The following INPP5A variants were observed in gnomAD, a reference collection of about 807,000 sequenced individuals.
INPP5A encodes inositol polyphosphate-5-phosphatase A.
A neutral mutation model predicts 65.2 loss-of-function variants in INPP5A; 14 were observed. The observed-to-expected ratio is 0.21, with a 90% CI of 0.14 to 0.34. The LOEUF is 0.34. INPP5A is among the 10% of genes least tolerant of loss of function. INPP5A has a pLI of 1.00. For synonymous variants in INPP5A, 207 were observed against 208.3 expected (o/e 0.99, Z 0.05); for missense variants, 431 against 545.6 (o/e 0.79, Z 2.09).
rs545186004 is a variant in INPP5A at position 132,712,434 on chromosome 10, C to T, written c.647+1978C>T. Among the ~76,000 whole-genome samples the T allele has an allele frequency of 2.3e-4, 33 of 144,136 alleles. No individual in the cohort carries two copies. The East Asian group carries it at 3.6e-3, about 16-fold the overall frequency. The allele number at this position is 144,136 out of a possible 152,430, so 94.6% of individuals were successfully genotyped here. A position where few individuals can be genotyped will look rare whatever the true frequency, so the allele number is the denominator to read the frequency against. On this transcript the variant is annotated intron_variant, in intron 8 of 15. Transcript: ENST00000368594. ...GAGTGCATACATATGTGTGTGCACGCGTGTGTGGGTGTGTGTGGGTGCATG... is the reference window on the plus strand; with the variant it reads ...GAGTGCATACATATGTGTGTGCACGTGTGTGTGGGTGTGTGTGGGTGCATG...
chr10:132,669,331 G>A (rs1460532399), intron 4 of INPP5A, among the ~76,000 whole-genome samples: 9 of 152,204 alleles, frequency 5.9e-5, no homozygotes. Flanking sequence ...GCCAGGTGTT[G>A]CCGGGCCAGG....
chr10:132,588,966 G>A (rs1355277320), intron 1 of INPP5A, among the ~76,000 whole-genome samples: 2 of 151,820 alleles, frequency 1.3e-5, no homozygotes, highest in Non-Finnish European at 2.9e-5. Context: ...TTGGAGTGTG[G>A]GTTGTGGTCC....
chr10:132,780,479 C>G (rs1847141057), intron 13 of INPP5A, among the ~76,000 whole-genome samples: 1 of 152,270 alleles, frequency 6.6e-6, no homozygotes, highest in African/African-American at 2.4e-5. Context: ...GGCGCACACA[C>G]TCCTGTGAAC....
rs938960448 is a variant in INPP5A at position 132,705,643 on chromosome 10, A to G, written c.475-2670A>G. On this transcript the variant is annotated intron_variant, in intron 6 of 15. Coordinates refer to ENST00000368594, the MANE Select transcript of INPP5A (RefSeq NM_005539.5). The surrounding 1 kb of genome is among the most constrained non-coding windows in gnomAD (Gnocchi z 4.9). ...AAAGCTGCTCTGAAAAATAAAGCCT[A>G]TTACTTCTTTAAAAGTCTGCTTACC... is the stretch of plus-strand genomic sequence containing the variant. Among the ~76,000 whole-genome samples, 1 of 152,196 alleles carries G rather than the reference A, an allele frequency of 6.6e-6. No individual in the cohort carries two copies. Among genetic ancestry groups the G allele is most frequent in the African/African-American group, 2.4e-5 (1 of 41,440 alleles).
chr10:132,589,020 AGT>A (rs1471715259), intron 1 of INPP5A, among the ~76,000 whole-genome samples: 1 of 149,470 alleles, frequency 6.7e-6, no homozygotes, highest in African/African-American at 2.5e-5. Context: ...TGTTTCTTGG[AGT>A]GTGGTGTGTG....
At chr10:132,734,799 T>C (rs1190410250) in intron 9 of INPP5A, among the ~76,000 whole-genome samples, 1 of 152,228 alleles carries the variant, frequency 6.6e-6, no homozygotes, top group African/African-American at 2.4e-5. Flanking sequence ...TCTGCCTTCC[T>C]AGAAGCATCT....
intron 9 of INPP5A, among the ~76,000 whole-genome samples, chr10:132,739,047 C>T (rs553705622): frequency 6.6e-6 from 1 of 152,272 alleles, no homozygotes; most frequent in South Asian, 2.1e-4. Context: ...TAAGGGAGGC[C>T]GGCGAAGTGT....
chr10:132,598,188 G>A (rs1042346668), intron 1 of INPP5A, among the ~76,000 whole-genome samples: 1 of 152,144 alleles, frequency 6.6e-6, no homozygotes, highest in Non-Finnish European at 1.5e-5. Flanking sequence ...TGTGTGGCTC[G>A]GCTGCTTGAG....
At position 132,537,826 on chromosome 10, in the gene INPP5A, T is replaced by G; in HGVS notation, c.-271T>G. On this transcript the variant is annotated 5_prime_UTR_variant, in exon 1 of 16. Transcript: ENST00000368594. Reference sequence around the variant, plus strand: ...TGAGTCGGCGGCGGCTGCGGGAACTTTCCCAGCGGATCTAATGGCTGCGCG... The same window carrying G: ...TGAGTCGGCGGCGGCTGCGGGAACTGTCCCAGCGGATCTAATGGCTGCGCG... The G allele has an allele frequency of 2.4e-5, 8 of 329,990 alleles. No homozygotes were observed. Among genetic ancestry groups the G allele is most frequent in the East Asian group, 4.5e-5 (1 of 22,420 alleles). 20.4% of individuals were successfully genotyped at this position (329,990 alleles called of 1,614,324 possible). A position where few individuals can be genotyped will look rare whatever the true frequency, so the allele number is the denominator to read the frequency against.
intron 4 of INPP5A, among the ~76,000 whole-genome samples, chr10:132,670,951 C>T (rs569704808): frequency 1.3e-5 from 2 of 151,174 alleles, no homozygotes; most frequent in South Asian, 4.2e-4. Flanking sequence ...TGACGGGCGT[C>T]ACTTTTCCTT....
chr10:132,578,558 G>A (rs564746339), intron 1 of INPP5A, among the ~76,000 whole-genome samples: 18 of 149,402 alleles, frequency 1.2e-4, no homozygotes, highest in Non-Finnish European at 2.1e-4. Context: ...TGCGGGGACT[G>A]GAGGGGCTCT....
chr10:132,757,736 CGGCCG>C (rs1565003571), intron 11 of INPP5A, among the ~76,000 whole-genome samples: 4 of 132,344 alleles, frequency 3.0e-5, no homozygotes, highest in African/African-American at 5.2e-5. Context: ...CGTGGGTCCC[CGGCCG>C]ACCCCACAGG....
intron 2 of INPP5A, among the ~76,000 whole-genome samples, chr10:132,628,540 G>T (rs772996385): frequency 5.6e-4 from 84 of 151,316 alleles, no homozygotes; most frequent in Non-Finnish European, 1.0e-3. Context: ...GATGGGGAAG[G>T]CTTTTCTAAA....
chr10:132,649,613 AC>A (rs2072545494), intron 3 of INPP5A, among the ~76,000 whole-genome samples: 1 of 150,884 alleles, frequency 6.6e-6, no homozygotes, highest in Admixed American at 6.6e-5. Context: ...TTCAATGTGG[AC>A]CCCCCTTCTT....
At position 132,671,354 on chromosome 10, in the gene INPP5A, TCGGAC is replaced by T. The variant is rs1564957883; in HGVS notation, c.307-19037_307-19033del. On this transcript the variant is annotated intron_variant, in intron 4 of 15. Transcript: ENST00000368594. ...TGCTTCGGACTCCGCCCTCCCTGCTTCGGACTCCGCCCTCCCTGCTTCGGACTCCG... is the reference window on the plus strand; with the variant it reads ...TGCTTCGGACTCCGCCCTCCCTGCTTTCCGCCCTCCCTGCTTCGGACTCCG... Among the ~76,000 whole-genome samples, 415 of 149,936 alleles carry T rather than the reference TCGGAC, an allele frequency of 2.8e-3. 2 individuals carry two copies. The highest frequency in any genetic ancestry group is 9.9e-3 in the African/African-American group (403 of 40,576).
At chr10:132,717,439 T>C (rs531168027) in intron 8 of INPP5A, among the ~76,000 whole-genome samples, 1 of 151,630 alleles carries the variant, frequency 6.6e-6, no homozygotes, top group East Asian at 1.9e-4. Context: ...CCCAGGCACT[T>C]TGGGGGCTCT....
chr10:132,730,393 G>A (rs550283703), intron 9 of INPP5A, among the ~76,000 whole-genome samples: 57 of 152,360 alleles, frequency 3.7e-4, no homozygotes, highest in African/African-American at 1.1e-3. Context: ...CGTGCTGGCC[G>A]GGGCTGCGTG....
chr10:132,774,867 GGGGC>G (rs1847020811), intron 12 of INPP5A, among the ~76,000 whole-genome samples: 7 of 67,034 alleles, frequency 1.0e-4, no homozygotes, highest in African/African-American at 2.2e-4. Flanking sequence ...GCAGGGAGGA[GGGGC>G]AGGGAGGAGA....
chr10:132,757,382 C>G (rs979165996), intron 11 of INPP5A, among the ~76,000 whole-genome samples: 23 of 152,254 alleles, frequency 1.5e-4, no homozygotes, highest in African/African-American at 5.5e-4. Context: ...CTTGTTTTTA[C>G]TGTTCCCTCT....
Sources: gnomAD v4.1 joint callset for allele counts (sites outside exome capture counted in the v4.1 genomes callset) on GRCh38, gnomAD v4.1.1 for gene constraint, Gnocchi (gnomAD v3.1) non-coding constraint, MANE v1.5 for transcripts, NCBI Gene and HGNC (gene_info 2026-07-23, HGNC 2026-07-21) for gene names.